Variants in MRTFB observed in about 807,000 individuals in gnomAD.
The protein encoded by MRTFB is myocardin-related transcription factor B.
Under a neutral mutation model 104.2 loss-of-function variants are expected in MRTFB, and 29 were observed. The observed-to-expected ratio is 0.28, with a 90% CI of 0.21 to 0.38. The LOEUF (loss-of-function observed/expected upper bound fraction) is 0.38. Ranked by LOEUF, MRTFB falls within the 10% of genes least tolerant of loss-of-function variation. The pLI, the probability that MRTFB is intolerant of heterozygous loss-of-function variation, is 1.00. For synonymous variants in MRTFB, 535 were observed against 519.5 expected (o/e 1.03, Z -0.41); for missense variants, 1,270 against 1,341.6 (o/e 0.95, Z 0.83).
At chr16:14,090,511 C>G (rs1323973364) in intron 2 of MRTFB, among the ~76,000 whole-genome samples, 2 of 152,114 alleles carry the variant, frequency 1.3e-5, no homozygotes, top group African/African-American at 4.8e-5. Flanking sequence ...GGATGTGGCC[C>G]TATCTTTAAG....
chr16:14,116,162 C>A (rs375547869), intron 2 of MRTFB, among the ~76,000 whole-genome samples: 2 of 152,044 alleles, frequency 1.3e-5, no homozygotes, highest in African/African-American at 4.8e-5. Context: ...ATAGCCACTC[C>A]TCATTTTTTT....
At position 14,247,028 on chromosome 16, in the gene MRTFB, C is replaced by A. The variant is rs114065872; in HGVS notation, c.1768C>A (p.Gln590Lys). Residue 590 changes from glutamine (Q) to lysine (K), a missense_variant, in exon 12 of 17, where the codon CAA becomes AAA. Transcript: ENST00000571589. ...CGAAGAGCTGAAGAGGAAACTGGAA[C>A]AAGAGCAGAAGCTCGTGGAAGTGCT... is the stretch of plus-strand genomic sequence containing the variant. ...QIEELKRKLEQEQKLVEVLKM... is the reference protein window; with the variant it reads ...QIEELKRKLEKEQKLVEVLKM... 1.1e-4 allele frequency: 184 copies of A among 1,614,174 alleles called. No homozygotes were observed. The East Asian group carries it at 3.8e-3, about 33-fold the overall frequency.
the MRTFB span, among the ~76,000 whole-genome samples, chr16:13,998,871 C>CAAAAAAAAAAAAAAAA: frequency 1.0e-4 from 3 of 29,654 alleles, 1 homozygote; most frequent in Non-Finnish European, 1.6e-4. Context: ...GACTCTGTTT[C>CAAAAAAAAAAAAAAAA]AAAAAAAAAA....
the MRTFB span, among the ~76,000 whole-genome samples, chr16:14,011,493 A>G: frequency 1.1e-4 from 17 of 152,342 alleles, 1 homozygote; most frequent in Middle Eastern, 3.4e-3. Context: ...AAATGGGTTT[A>G]TTTGCTACAG....
At chr16:14,200,768 G>A (rs989707253) in intron 3 of MRTFB, 7 of 1,472,432 alleles carry the variant, frequency 4.8e-6, no homozygotes, top group Middle Eastern at 3.5e-4. Flanking sequence ...AGTGCTGTGG[G>A]TGATACTTGC....
At chr16:14,183,671 A>G (rs1005635695) in intron 3 of MRTFB, among the ~76,000 whole-genome samples, 2 of 152,208 alleles carry the variant, frequency 1.3e-5, no homozygotes, top group African/African-American at 2.4e-5. Flanking sequence ...GTATCATGTT[A>G]GAACCTATTC....
intron 3 of MRTFB, chr16:14,201,043 T>G (rs1441941251): frequency 3.3e-5 from 50 of 1,517,248 alleles, no homozygotes; most frequent in Middle Eastern, 1.8e-4. Flanking sequence ...TTTGAACCTT[T>G]TAGAGCTTAG....
intron 10 of MRTFB, among the ~76,000 whole-genome samples, chr16:14,243,142 CTG>C (rs1163469449): frequency 6.6e-6 from 1 of 152,094 alleles, no homozygotes; most frequent in African/African-American, 2.4e-5. Flanking sequence ...TTTCATAACT[CTG>C]AGATTTTACA....
At chr16:14,197,461 A>G (rs1220805966) in intron 3 of MRTFB, among the ~76,000 whole-genome samples, 2 of 152,118 alleles carry the variant, frequency 1.3e-5, no homozygotes, top group Admixed American at 6.5e-5. Flanking sequence ...AAATAACTCC[A>G]AACTCCAAAT....
At chr16:14,125,088 C>G (rs1003420688) in intron 2 of MRTFB, among the ~76,000 whole-genome samples, 3 of 152,170 alleles carry the variant, frequency 2.0e-5, no homozygotes, top group African/African-American at 7.2e-5. Context: ...CTGCAGCCTA[C>G]AGGTTAAGGT....
the MRTFB span, among the ~76,000 whole-genome samples, chr16:14,017,711 A>ATATATATATT: frequency 3.0e-5 from 1 of 33,612 alleles, no homozygotes; most frequent in African/African-American, 1.4e-4. Flanking sequence ...ATATATATAT[A>ATATATATATT]TTTTTTTTTT....
rs1225872446 is a variant in MRTFB, at chr16:14,127,921, ATATATATATTTTTTTTTTTTTTTT to A, written c.-63-12621_-63-12598del. Among the ~76,000 whole-genome samples the A allele has an allele frequency of 4.8e-4, 19 of 39,910 alleles. 1 individual carries two copies. Among genetic ancestry groups the A allele is most frequent in the African/African-American group, 4.0e-3 (18 of 4,536 alleles). 26.2% of individuals were successfully genotyped at this position (39,910 alleles called of 152,430 possible). On this transcript the variant is annotated intron_variant, in intron 2 of 16. Coordinates refer to ENST00000571589, the MANE Select transcript of MRTFB (RefSeq NM_001308142.2). ...ACTGAATATATATATATATATATAT[ATATATATATTTTTTTTTTTTTTTT>A]TTTTTTCTTTTTTTCCCCTTTTCTA...
chr16:14,054,093 T>C, the MRTFB span, among the ~76,000 whole-genome samples: 1 of 152,254 alleles, frequency 6.6e-6, no homozygotes, highest in South Asian at 2.1e-4. Flanking sequence ...TCTGTGCCAC[T>C]GCCCTCAAAC....
intron 3 of MRTFB, among the ~76,000 whole-genome samples, chr16:14,207,821 A>T (rs1437765738): frequency 6.6e-6 from 1 of 152,178 alleles, no homozygotes; most frequent in Non-Finnish European, 1.5e-5. Flanking sequence ...CTAGCAAATT[A>T]TCAAACCTGG....
intron 3 of MRTFB, among the ~76,000 whole-genome samples, chr16:14,154,761 G>C (rs757217356): frequency 6.6e-6 from 1 of 152,212 alleles, no homozygotes; most frequent in Non-Finnish European, 1.5e-5. Flanking sequence ...TACTTACTTT[G>C]CTTTTAGCAA....
chr16:14,200,794 C>T (rs1345513726), intron 3 of MRTFB: 24 of 1,469,640 alleles, frequency 1.6e-5, no homozygotes, highest in Non-Finnish European at 2.1e-5. Flanking sequence ...GTGCACGCTT[C>T]TCCTTCAGAG....
the MRTFB span, among the ~76,000 whole-genome samples, chr16:14,054,735 A>C: frequency 6.6e-6 from 1 of 152,310 alleles, no homozygotes; most frequent in South Asian, 2.1e-4. Flanking sequence ...AGTCCATCAT[A>C]GTACTTAATA....
At chr16:14,131,832 G>T (rs2037456992) in intron 2 of MRTFB, among the ~76,000 whole-genome samples, 2 of 151,866 alleles carry the variant, frequency 1.3e-5, no homozygotes, top group African/African-American at 4.8e-5. Context: ...TTGCTGGTGG[G>T]AATGTAAAAT....
chr16:14,260,793 G>C, intron 16 of MRTFB, 116 bp from the exon 17 acceptor site: 1 of 831,004 alleles, frequency 1.2e-6, no homozygotes, highest in East Asian at 2.7e-5. Flanking sequence ...CTACTTCTAA[G>C]ACGGACGTGC....
Sources: allele counts gnomAD v4.1 joint callset (sites outside exome capture counted in the v4.1 genomes callset), GRCh38; gene constraint gnomAD v4.1.1; transcripts MANE v1.5; gene names NCBI Gene and HGNC (gene_info 2026-07-23, HGNC 2026-07-21).